Variants in AKT3 observed in about 807,000 individuals in gnomAD.
AKT3 encodes AKT serine/threonine kinase 3.
In AKT3, 15 loss-of-function variants were observed where a neutral mutation model predicts 65.3. The ratio of observed to expected loss-of-function variants is 0.23; its 90% CI spans 0.15 to 0.35. The LOEUF is 0.35. Ranked by LOEUF, AKT3 falls within the 10% of genes least tolerant of loss-of-function variation. AKT3 has a pLI of 1.00. For synonymous variants in AKT3, 206 were observed against 183.8 expected (o/e 1.12, Z -0.98); for missense variants, 243 against 576.5 (o/e 0.42, Z 5.92).
intron 9 of AKT3, among the ~76,000 whole-genome samples, chr1:243,564,683 C>G (rs1353132966): frequency 1.3e-5 from 2 of 152,148 alleles, no homozygotes; most frequent in African/African-American, 4.8e-5. Flanking sequence ...AACAAAGATA[C>G]AGATGAGTTC....
At chr1:243,642,003 A>C (rs1183556557) in intron 5 of AKT3, among the ~76,000 whole-genome samples, 1 of 152,208 alleles carries the variant, frequency 6.6e-6, no homozygotes, top group Non-Finnish European at 1.5e-5. Flanking sequence ...GCTAAAAAAA[A>C]AGTATGACAG....
intron 4 of AKT3, among the ~76,000 whole-genome samples, chr1:243,663,653 CAA>C (rs1326969938): frequency 2.0e-5 from 3 of 152,118 alleles, no homozygotes; most frequent in Non-Finnish European, 2.9e-5. Flanking sequence ...CTCTACTGAT[CAA>C]AAGTGTTATT....
At chr1:243,777,278 T>A (rs1018393048) in intron 2 of AKT3, among the ~76,000 whole-genome samples, 3 of 152,100 alleles carry the variant, frequency 2.0e-5, no homozygotes, top group Non-Finnish European at 4.4e-5. Flanking sequence ...AGGGTTTGCA[T>A]CCCTATGAGA....
chr1:243,625,431 C>T (rs1427030207), intron 6 of AKT3, among the ~76,000 whole-genome samples: 1 of 152,196 alleles, frequency 6.6e-6, no homozygotes, highest in East Asian at 1.9e-4. Flanking sequence ...CTGCGCCTGG[C>T]CCAGTCTGCT....
intron 8 of AKT3, among the ~76,000 whole-genome samples, chr1:243,590,109 G>A (rs369423254): frequency 1.3e-5 from 2 of 152,152 alleles, no homozygotes; most frequent in African/African-American, 2.4e-5. Context: ...GTAAAATGGG[G>A]AGATACTTGT....
chr1:243,565,606 C>G (rs1674099969), intron 9 of AKT3, among the ~76,000 whole-genome samples: 1 of 152,160 alleles, frequency 6.6e-6, no homozygotes, highest in Non-Finnish European at 1.5e-5. Context: ...AGAAACCAAA[C>G]CCAATCTGCA....
chr1:243,747,319 C>T (rs1434507614), intron 2 of AKT3, among the ~76,000 whole-genome samples: 1 of 152,098 alleles, frequency 6.6e-6, no homozygotes, highest in African/African-American at 2.4e-5. Flanking sequence ...GAAAGTTATA[C>T]GGCAAAGTGA....
chr1:243,698,856 A>G (rs1349446794), intron 2 of AKT3, among the ~76,000 whole-genome samples: 1 of 151,924 alleles, frequency 6.6e-6, no homozygotes, highest in Non-Finnish European at 1.5e-5. Context: ...ATATGAATTA[A>G]CTTTCTGAGA....
chr1:243,567,524 T>A (rs551090339), intron 9 of AKT3, among the ~76,000 whole-genome samples: 2 of 149,570 alleles, frequency 1.3e-5, no homozygotes, highest in African/African-American at 4.9e-5. Flanking sequence ...AGATGGTATT[T>A]TGCCATGTTG....
At chr1:243,495,749 G>A (rs1477394606), downstream of AKT3, among the ~76,000 whole-genome samples, 1 of 152,204 alleles carries the variant, frequency 6.6e-6, no homozygotes, top group African/African-American at 2.4e-5. Context: ...TGCCCAGCAT[G>A]CTGAGGGCAC....
intron 8 of AKT3, among the ~76,000 whole-genome samples, chr1:243,589,691 T>C (rs1250198212): frequency 6.6e-6 from 1 of 152,264 alleles, no homozygotes; most frequent in Non-Finnish European, 1.5e-5. Flanking sequence ...GGTATATATA[T>C]CTATCTGAAG....
At chr1:243,691,224 T>C (rs1684670077) in intron 3 of AKT3, among the ~76,000 whole-genome samples, 1 of 152,170 alleles carries the variant, frequency 6.6e-6, no homozygotes, top group Admixed American at 6.6e-5. Flanking sequence ...GCATAGGTTG[T>C]ACAGGGAATT....
intron 2 of AKT3, among the ~76,000 whole-genome samples, chr1:243,827,712 T>C (rs1009531894): frequency 6.6e-6 from 1 of 152,192 alleles, no homozygotes; most frequent in Admixed American, 6.5e-5. Flanking sequence ...GCTTTAGTAC[T>C]ATTTCATTTA....
intron 13 of AKT3, among the ~76,000 whole-genome samples, chr1:243,508,468 G>C (rs1316483116): frequency 6.6e-6 from 1 of 152,112 alleles, no homozygotes; most frequent in Non-Finnish European, 1.5e-5. Context: ...TCTTCCGTCT[G>C]ACTTTCCTTG....
chr1:243,778,135 A>G (rs1278125974), intron 2 of AKT3, among the ~76,000 whole-genome samples: 3 of 152,188 alleles, frequency 2.0e-5, no homozygotes, highest in Non-Finnish European at 4.4e-5. Flanking sequence ...TGTCTCCATT[A>G]AAGACTATAA....
At chr1:243,577,917 A>G (rs1448297279) in intron 8 of AKT3, among the ~76,000 whole-genome samples, 1 of 152,244 alleles carries the variant, frequency 6.6e-6, no homozygotes. Flanking sequence ...TTATGTGACC[A>G]ACAAACACAT....
intron 2 of AKT3, among the ~76,000 whole-genome samples, chr1:243,839,815 T>C (rs1352155766): frequency 6.6e-5 from 10 of 151,176 alleles, no homozygotes; most frequent in Middle Eastern, 3.4e-3. Flanking sequence ...AACTTTATTA[T>C]ATCAATTTTT....
chr1:243,750,516 T>G (rs1688746530), intron 2 of AKT3, among the ~76,000 whole-genome samples: 1 of 152,088 alleles, frequency 6.6e-6, no homozygotes, highest in African/African-American at 2.4e-5. Flanking sequence ...CTTCAAAATG[T>G]TTTAAATCTG....
At chr1:243,748,766 G>A (rs1349958577) in intron 2 of AKT3, among the ~76,000 whole-genome samples, 2 of 152,112 alleles carry the variant, frequency 1.3e-5, no homozygotes, top group African/African-American at 2.4e-5. Context: ...TAAGATTTCT[G>A]GATAATAATT....
Sources: allele counts gnomAD v4.1 joint callset (sites outside exome capture counted in the v4.1 genomes callset), GRCh38; gene constraint gnomAD v4.1.1; transcripts MANE v1.5; gene names NCBI Gene and HGNC (gene_info 2026-07-23, HGNC 2026-07-21).